The following KIAA1549 variants were observed in gnomAD, a reference collection of about 807,000 sequenced individuals.
The protein encoded by KIAA1549 is KIAA1549, also known as UPF0606 protein KIAA1549.
KIAA1549 carries 70 observed loss-of-function variants against 156.4 expected under a neutral mutation model. That is an observed-to-expected ratio of 0.45 (90% CI 0.37 to 0.55). The LOEUF (loss-of-function observed/expected upper bound fraction) is 0.55. Ranked by LOEUF, KIAA1549 falls within the 20% of genes least tolerant of loss-of-function variation. The pLI is 0.00. For missense variants in KIAA1549, 2,428 were observed against 2,540.9 expected (o/e 0.96, Z 0.96); for synonymous variants, 1,103 against 1,066.4 (o/e 1.03, Z -0.67).
chr7:138,908,907 G>C (rs1812086375), intron 5 of KIAA1549, 84 bp downstream of exon 5: 2 of 1,529,508 alleles, frequency 1.3e-6, no homozygotes, highest in Non-Finnish European at 1.8e-6. Flanking sequence ...GAGGGAATAA[G>C]AGTTAAGCAC....
At chr7:138,914,199 G>C (rs1024384551) in intron 2 of KIAA1549, among the ~76,000 whole-genome samples, 1 of 151,682 alleles carries the variant, frequency 6.6e-6, no homozygotes, top group Non-Finnish European at 1.5e-5. Flanking sequence ...ACTCTGCAAA[G>C]TCCCCACAGC....
chr7:138,954,396 T>C (rs1027653243), intron 1 of KIAA1549, among the ~76,000 whole-genome samples: 1 of 152,026 alleles, frequency 6.6e-6, no homozygotes, highest in Admixed American at 6.6e-5. Flanking sequence ...AGGATGGAGA[T>C]TGGGTGGGTA....
intron 1 of KIAA1549, among the ~76,000 whole-genome samples, chr7:138,965,507 T>C (rs1813993771): frequency 6.6e-6 from 1 of 152,088 alleles, no homozygotes; most frequent in African/African-American, 2.4e-5. Context: ...TCTTATAACA[T>C]TGAAAGCTGA....
rs1338279421 is a variant in KIAA1549, at chr7:138,837,530, T to A, written c.*376A>T. The A allele has an allele frequency of 2.8e-6, 1 of 353,756 alleles. No homozygotes were observed. Among genetic ancestry groups the A allele is most frequent in the Non-Finnish European group, 5.1e-6 (1 of 196,488 alleles). 21.9% of individuals were successfully genotyped at this position (353,756 alleles called of 1,614,324 possible). The stretch of plus-strand genomic sequence containing the variant: ...CAGGTTCATCGTACACGTACCAGTC[T>A]CAATCCCACAGAAACGCTTGGTTCC... On this transcript the variant is annotated 3_prime_UTR_variant, in exon 20 of 20. Coordinates refer to ENST00000422774, the MANE Select transcript of KIAA1549 (RefSeq NM_001164665.2).
chr7:138,905,563 A>AT, intron 6 of KIAA1549, among the ~76,000 whole-genome samples: 1 of 152,382 alleles, frequency 6.6e-6, no homozygotes, highest in Non-Finnish European at 1.5e-5. Context: ...GTCTACTTTC[A>AT]TATAGAATAA....
intron 1 of KIAA1549, among the ~76,000 whole-genome samples, chr7:138,960,448 A>T (rs1010186991): frequency 2.0e-5 from 3 of 151,196 alleles, no homozygotes; most frequent in Admixed American, 1.3e-4. Flanking sequence ...AGCTGGGATT[A>T]CAGGCACCCG....
chr7:138,922,955 A>T (rs1231984133), intron 1 of KIAA1549, among the ~76,000 whole-genome samples: 1 of 152,018 alleles, frequency 6.6e-6, no homozygotes, highest in East Asian at 1.9e-4. Context: ...AGGAGGGTGA[A>T]TTAAAAAAAA....
At chr7:138,971,315 C>G (rs1563098888) in intron 1 of KIAA1549, among the ~76,000 whole-genome samples, 1 of 152,188 alleles carries the variant, frequency 6.6e-6, no homozygotes, top group Non-Finnish European at 1.5e-5. Context: ...CCACCCTCCA[C>G]CAATAGACCC....
At chr7:138,901,414 C>T (rs998356044) in intron 8 of KIAA1549, among the ~76,000 whole-genome samples, 80 of 151,786 alleles carry the variant, frequency 5.3e-4, no homozygotes, top group African/African-American at 1.8e-3. Flanking sequence ...AAACCTCCAC[C>T]TCCCGGGTTC....
In KIAA1549 at chr7:138,835,079, T is replaced by G. The variant is rs1809667869; in HGVS notation, c.*2827A>C. ...AAAAAGAATAGACATAAAATTCAACTGTTCATTGTAGAGTGCTTCCATAAA... is the reference window on the plus strand; with the variant it reads ...AAAAAGAATAGACATAAAATTCAACGGTTCATTGTAGAGTGCTTCCATAAA... On this transcript the variant is annotated 3_prime_UTR_variant, in exon 20 of 20. Coordinates refer to ENST00000422774, the MANE Select transcript of KIAA1549 (RefSeq NM_001164665.2). The G allele has an allele frequency of 4.5e-6, 1 of 224,482 alleles. No homozygotes were observed. The highest frequency in any genetic ancestry group is 6.4e-5 in the East Asian group (1 of 15,522). The allele number at this position is 224,482 out of a possible 1,614,324, so 13.9% of individuals were successfully genotyped here.
chr7:138,869,504 C>G, intron 14 of KIAA1549, 34 bp downstream of exon 14: 2 of 1,513,966 alleles, frequency 1.3e-6, no homozygotes, highest in African/African-American at 1.4e-5. Context: ...CTCTGCGCGC[C>G]CGCCCCACCG....
At chr7:138,916,429 AC>A (rs147429574) in intron 2 of KIAA1549, among the ~76,000 whole-genome samples, 2,067 of 152,302 alleles carry the variant, frequency 0.014, 58 homozygotes, top group African/African-American at 0.048. Context: ...ACTAATATGC[AC>A]CATCCCGTGC....
At position 138,906,921 on chromosome 7, in the gene KIAA1549, T is replaced by A; in HGVS notation, c.3458A>T (p.Glu1153Val). The A allele has an allele frequency of 6.3e-7, 1 of 1,591,746 alleles. No homozygotes were observed. The highest frequency in any genetic ancestry group is 8.5e-7 in the Non-Finnish European group (1 of 1,170,818). ...ATGTCCAAGAGGGCTGTACTCACGC[T>A]CTGCGATCTGCAGCACTGGGTATCC... ...YLGYPVLQIA[E>V]PFQYPQLNLS... Residue 1153 changes from glutamate (E) to valine (V), a missense_variant and splice_region_variant, in exon 6 of 20, where the codon GAG becomes GTG. By Grantham distance (121) the Glu-to-Val change is moderately radical. This residue lies in a region of KIAA1549 where 762 missense variants were observed against 901.6 expected (regional missense o/e 0.85). Coordinates refer to ENST00000422774, the MANE Select transcript of KIAA1549 (RefSeq NM_001164665.2).
At chr7:138,853,575 C>T (rs184577472) in intron 16 of KIAA1549, among the ~76,000 whole-genome samples, 3 of 152,010 alleles carry the variant, frequency 2.0e-5, no homozygotes, top group African/African-American at 4.8e-5. Context: ...GAGAATATAA[C>T]GATCTCCACA....
chr7:138,898,026 C>T (rs892357681), intron 9 of KIAA1549, among the ~76,000 whole-genome samples: 1 of 150,852 alleles, frequency 6.6e-6, no homozygotes, highest in Non-Finnish European at 1.5e-5. Context: ...TGAGGTGGGG[C>T]CGGGTGCAGT....
At chr7:138,851,268 A>C (rs552793416) in intron 17 of KIAA1549, among the ~76,000 whole-genome samples, 15 of 151,694 alleles carry the variant, frequency 9.9e-5, no homozygotes, top group Non-Finnish European at 2.1e-4. Context: ...CCTATTTCCT[A>C]CCTTCTTTTG....
In KIAA1549 at chr7:138,838,087, GGC is replaced by G; in HGVS notation, c.5670_5671del (p.Glu1890AspfsTer128). On this transcript the variant is annotated frameshift_variant, in exon 20 of 20. Transcript: ENST00000422774. LOFTEE classifies it high-confidence loss of function. ...GGGGAGGTTCCCGGAAGGAGCTGAG[GGC>G]TCCCTGCCTGAAGTCCTTGGCACCT... 1 of 1,579,596 alleles carries G rather than the reference GGC, an allele frequency of 6.3e-7. No individual in the cohort carries two copies. Among genetic ancestry groups the G allele is most frequent in the East Asian group, 2.3e-5 (1 of 43,582 alleles).
intron 12 of KIAA1549, among the ~76,000 whole-genome samples, chr7:138,877,484 ACT>A (rs995350059): frequency 4.6e-5 from 7 of 152,112 alleles, no homozygotes; most frequent in Admixed American, 1.3e-4. Flanking sequence ...ACAGGAAGAG[ACT>A]CTGTCTCAAA....
intron 1 of KIAA1549, among the ~76,000 whole-genome samples, chr7:138,921,887 A>G (rs1322118059): frequency 1.3e-5 from 2 of 152,202 alleles, no homozygotes; most frequent in Admixed American, 1.3e-4. Context: ...AAATAAAAAA[A>G]GGCAGAAATT....
Sources: allele counts gnomAD v4.1 joint callset (sites outside exome capture counted in the v4.1 genomes callset), GRCh38; gene constraint gnomAD v4.1.1; regional missense constraint gnomAD v4.1.1; transcripts MANE v1.5; gene names NCBI Gene and HGNC (gene_info 2026-07-23, HGNC 2026-07-21).